Variants in GATAD2B observed in about 807,000 individuals in gnomAD.
GATAD2B encodes the protein transcriptional repressor p66-beta.
In GATAD2B, 8 loss-of-function variants were observed where a neutral mutation model predicts 64.3. The ratio of observed to expected loss-of-function variants is 0.12; its 90% CI spans 0.07 to 0.22. GATAD2B has a LOEUF of 0.22. Among genes scored for constraint, GATAD2B ranks in the 10% least tolerant of loss-of-function variants. The pLI is 1.00. For synonymous variants in GATAD2B, 281 were observed against 271.3 expected (o/e 1.04, Z -0.35); for missense variants, 453 against 752.0 (o/e 0.60, Z 4.65).
chr1:153,869,030 C>T (rs1016821063), intron 1 of GATAD2B, among the ~76,000 whole-genome samples: 3 of 152,172 alleles, frequency 2.0e-5, no homozygotes, highest in Admixed American at 6.5e-5. Flanking sequence ...CAGTGGCTCA[C>T]GCCTGTAATC....
Position 153,876,160 on chromosome 1 carries a change from G to A in GATAD2B, c.-2+46573C>T, listed in dbSNP as rs553570868. On this transcript the variant is annotated intron_variant, in intron 1 of 10. Coordinates refer to ENST00000368655, the MANE Select transcript of GATAD2B (RefSeq NM_020699.4). ...GGAGAATCGCTTGAACCCGGGAGGC[G>A]GAGACTGCAGTGAGCTGAGATCGCG... 1.4e-4 allele frequency among the ~76,000 whole-genome samples: 20 copies of A among 144,156 alleles called. 1 individual carries two copies. Among genetic ancestry groups the A allele is most frequent in the Non-Finnish European group, 1.9e-4 (13 of 66,742 alleles). 94.6% of individuals were successfully genotyped at this position (144,156 alleles called of 152,430 possible). A position where few individuals can be genotyped will look rare whatever the true frequency, so the allele number is the denominator to read the frequency against.
chr1:153,852,051 A>C, intron 1 of GATAD2B: 2 of 481,636 alleles, frequency 4.2e-6, no homozygotes, highest in South Asian at 4.1e-5. Flanking sequence ...AACATAACGA[A>C]AGGTGTTAAC....
At chr1:153,867,986 G>A (rs1676536467) in intron 1 of GATAD2B, among the ~76,000 whole-genome samples, 1 of 152,138 alleles carries the variant, frequency 6.6e-6, no homozygotes, top group African/African-American at 2.4e-5. Context: ...ATCACCTGAG[G>A]TCAGGAGTTC....
chr1:153,890,997 A>G (rs1269763504), intron 1 of GATAD2B: 4 of 152,176 alleles, frequency 2.6e-5, no homozygotes, highest in Non-Finnish European at 4.4e-5. Context: ...CAGCCTGACC[A>G]ACATGGCAAA....
rs945664061 is a variant in GATAD2B at position 153,852,709 on chromosome 1, G to C, written c.-1-24361C>G. On this transcript the variant is annotated intron_variant, in intron 1 of 10. Transcript: ENST00000368655. ...GCTTCTTTAACCCTGCTGAGAGCCT[G>C]CTCATACGAAGTGAAGCTTGGTAGA... 6 of 929,174 alleles carry C rather than the reference G, an allele frequency of 6.5e-6. No homozygotes were observed. The South Asian group carries it at 7.7e-5, about 12-fold the overall frequency. 57.6% of individuals were successfully genotyped at this position (929,174 alleles called of 1,614,324 possible). A position where few individuals can be genotyped will look rare whatever the true frequency, so the allele number is the denominator to read the frequency against.
intron 1 of GATAD2B, among the ~76,000 whole-genome samples, chr1:153,897,740 G>A (rs1473766622): frequency 6.6e-6 from 1 of 151,998 alleles, no homozygotes; most frequent in Non-Finnish European, 1.5e-5. Flanking sequence ...TGCTATATAG[G>A]TTAAGGTCTC....
intron 1 of GATAD2B, among the ~76,000 whole-genome samples, chr1:153,830,927 A>G (rs1054888002): frequency 2.0e-5 from 3 of 152,052 alleles, no homozygotes; most frequent in African/African-American, 4.8e-5. Context: ...GCGTGCCACC[A>G]CACTGGGCTA....
intron 1 of GATAD2B, among the ~76,000 whole-genome samples, chr1:153,864,593 G>C (rs1676416281): frequency 2.0e-5 from 3 of 151,882 alleles, no homozygotes; most frequent in African/African-American, 7.3e-5. Flanking sequence ...GTCTAGCTTG[G>C]GTGACAAAGC....
Position 153,811,856 on chromosome 1 carries a change from G to A in GATAD2B, c.1531-8C>T, listed in dbSNP as rs1206721672. The A allele has an allele frequency of 6.4e-7, 1 of 1,562,948 alleles. No individual in the cohort carries two copies. The highest frequency in any genetic ancestry group is 1.4e-5 in the African/African-American group (1 of 73,442). ...GCTCTGGGGCTGTGGAGCCTGCAATGATGAGGAGACAGTGGATACAACTTT... is the reference window on the plus strand; with the variant it reads ...GCTCTGGGGCTGTGGAGCCTGCAATAATGAGGAGACAGTGGATACAACTTT... On this transcript the variant is annotated splice_region_variant and splice_polypyrimidine_tract_variant and intron_variant, in intron 9 of 10. Transcript: ENST00000368655.
chr1:153,829,761 AT>A (rs1299508384), intron 1 of GATAD2B, among the ~76,000 whole-genome samples: 1 of 152,040 alleles, frequency 6.6e-6, no homozygotes, highest in Admixed American at 6.6e-5. Flanking sequence ...GAATGAATGA[AT>A]TAAATTAAAA....
intron 1 of GATAD2B, chr1:153,852,224 G>A (rs1283686040): frequency 1.3e-5 from 15 of 1,156,258 alleles, no homozygotes; most frequent in Non-Finnish European, 1.9e-5. Flanking sequence ...CAGTTGAGGG[G>A]CATGTTGTTA....
intron 1 of GATAD2B, among the ~76,000 whole-genome samples, chr1:153,860,433 T>G (rs1313990456): frequency 1.3e-5 from 2 of 151,120 alleles, no homozygotes; most frequent in Non-Finnish European, 2.9e-5. Flanking sequence ...CTCCTAGGGT[T>G]AGGCAATCCT....
At chr1:153,895,379 C>T (rs554761137) in intron 1 of GATAD2B, among the ~76,000 whole-genome samples, 4 of 150,840 alleles carry the variant, frequency 2.7e-5, no homozygotes, top group African/African-American at 9.8e-5. Flanking sequence ...AAGAGATTGG[C>T]AGTATTTCCT....
intron 1 of GATAD2B, among the ~76,000 whole-genome samples, chr1:153,898,566 A>G (rs1677672956): frequency 6.6e-6 from 1 of 151,650 alleles, no homozygotes; most frequent in Admixed American, 6.6e-5. Flanking sequence ...TCTCTACTAA[A>G]CATACAAAAA....
At chr1:153,903,109 T>C (rs1416362354) in intron 1 of GATAD2B, among the ~76,000 whole-genome samples, 1 of 151,672 alleles carries the variant, frequency 6.6e-6, no homozygotes, top group African/African-American at 2.4e-5. Context: ...TCCCAGCTAC[T>C]CGGGAGGCTG....
At chr1:153,812,685 G>A (rs908209665) in intron 8 of GATAD2B, among the ~76,000 whole-genome samples, 1 of 151,918 alleles carries the variant, frequency 6.6e-6, no homozygotes, top group African/African-American at 2.4e-5. Context: ...CTGCCTACCC[G>A]ATCTTCCAAA....
At chr1:153,828,638 C>A (rs1009228235) in intron 1 of GATAD2B, among the ~76,000 whole-genome samples, 7 of 151,592 alleles carry the variant, frequency 4.6e-5, no homozygotes, top group African/African-American at 1.7e-4. Context: ...CTTAATTCTA[C>A]ATGGATACAG....
intron 1 of GATAD2B, among the ~76,000 whole-genome samples, chr1:153,861,468 T>C (rs1170796061): frequency 6.6e-6 from 1 of 151,316 alleles, no homozygotes; most frequent in African/African-American, 2.4e-5. Flanking sequence ...CTCAGACATT[T>C]CAAAGAAACA....
At chr1:153,896,851 A>G (rs1677610619) in intron 1 of GATAD2B, among the ~76,000 whole-genome samples, 1 of 152,162 alleles carries the variant, frequency 6.6e-6, no homozygotes, top group South Asian at 2.1e-4. Flanking sequence ...TAAATTTCTT[A>G]AGGGAAAAAA....
Sources: allele counts gnomAD v4.1 joint callset (sites outside exome capture counted in the v4.1 genomes callset), GRCh38; gene constraint gnomAD v4.1.1; transcripts MANE v1.5; gene names NCBI Gene and HGNC (gene_info 2026-07-23, HGNC 2026-07-21).